The following IDO2 variants were observed in gnomAD, a reference collection of about 807,000 sequenced individuals.
IDO2 encodes indoleamine 2,3-dioxygenase-like 1 protein.
IDO2 carries 46 observed loss-of-function variants against 45.1 expected under a neutral mutation model. That is an observed-to-expected ratio of 1.02 (90% CI 0.80 to 1.30). The LOEUF (loss-of-function observed/expected upper bound fraction) is 1.30. Ranked by LOEUF, IDO2 falls within the 50% of genes most tolerant of loss-of-function variation. The pLI, the probability that IDO2 is intolerant of heterozygous loss-of-function variation, is 0.00. For missense variants in IDO2, 544 were observed against 491.8 expected, an observed-to-expected ratio of 1.11 and a Z score of -1.00; for synonymous variants, 218 against 184.9, an observed-to-expected ratio of 1.18 and a Z score of -1.45.
intron 1 of IDO2, among the ~76,000 whole-genome samples, chr8:39,943,564 C>T (rs1159598514): frequency 2.0e-5 from 3 of 151,464 alleles, no homozygotes; most frequent in African/African-American, 7.3e-5. Context: ...AGTGAAACCC[C>T]GTCTCTACTA....
rs372579729 is a variant in IDO2, at chr8:39,984,774, A to ACATCAATG, written c.435-731_435-724dup. Among the ~76,000 whole-genome samples the ACATCAATG allele has an allele frequency of 6.1e-3, 929 of 152,306 alleles. 9 individuals carry two copies. The highest frequency in any genetic ancestry group is 0.02 in the African/African-American group (839 of 41,562). On this transcript the variant is annotated intron_variant, in intron 5 of 10. Coordinates refer to ENST00000502986, the Ensembl canonical transcript of IDO2. ...TGTCCTTTAGAATTTCAGAGAAATG[A>ACATCAATG]CATCAATGCAGGCTTTACAAGTCAG... is the stretch of plus-strand genomic sequence containing the variant.
chr8:39,989,628 T>A, intron 7 of IDO2, 93 bp from the exon 8 acceptor site: 4 of 860,798 alleles, frequency 4.6e-6, no homozygotes, highest in Non-Finnish European at 7.2e-6. Flanking sequence ...AACTGTCCGG[T>A]CCTCCCCTGG....
chr8:39,987,971 G>A lies in IDO2; in HGVS notation c.549+1G>A. 2 of 1,576,538 alleles carry A rather than the reference G, an allele frequency of 1.3e-6. No individual in the cohort carries two copies. Among genetic ancestry groups the A allele is most frequent in the African/African-American group, 2.7e-5 (2 of 74,344 alleles). On this transcript the variant is annotated splice_donor_variant, in intron 7 of 10. Coordinates refer to ENST00000502986, the Ensembl canonical transcript of IDO2. LOFTEE classifies it high-confidence loss of function. ...GAAAGAAGCAGTGCCTGGGATAAAG[G>A]TATCTTCTCACTTGATAGCACCTTT...
At chr8:40,015,397 T>C in exon 11 of IDO2, 2 of 1,613,960 alleles carry the variant, frequency 1.2e-6, no homozygotes, top group South Asian at 2.2e-5. Context: ...GTGCAGGCCC[T>C]GGCAGAGCTG....
intron 1 of IDO2, among the ~76,000 whole-genome samples, chr8:39,936,221 G>C (rs1807547477): frequency 6.6e-6 from 1 of 152,126 alleles, no homozygotes; most frequent in South Asian, 2.1e-4. Context: ...ACAAGGTACT[G>C]TAGATGCATT....
intron 2 of IDO2, among the ~76,000 whole-genome samples, chr8:39,952,743 CTG>C (rs1807830611): frequency 6.6e-6 from 1 of 151,266 alleles, no homozygotes; most frequent in Admixed American, 6.6e-5. Flanking sequence ...GTGAAGAGAA[CTG>C]AGAGAGCCCG....
At chr8:39,991,725 C>A (rs192918326) in intron 8 of IDO2, among the ~76,000 whole-genome samples, 1 of 152,234 alleles carries the variant, frequency 6.6e-6, no homozygotes, top group African/African-American at 2.4e-5. Context: ...CATGCACCAC[C>A]ATGCCCAGCT....
At chr8:39,977,365 T>C (rs1381066902) in intron 3 of IDO2, among the ~76,000 whole-genome samples, 2 of 152,256 alleles carry the variant, frequency 1.3e-5, no homozygotes, top group Admixed American at 6.5e-5. Flanking sequence ...ACTGCTGTTA[T>C]AATGCTCACC....
intron 1 of IDO2, among the ~76,000 whole-genome samples, chr8:39,943,812 T>G (rs1004635481): frequency 6.6e-6 from 1 of 150,682 alleles, no homozygotes; most frequent in Non-Finnish European, 1.5e-5. Context: ...TGCTTTCGTC[T>G]AAGAACTGGA....
intron 3 of IDO2, among the ~76,000 whole-genome samples, chr8:39,970,901 G>A (rs531533329): frequency 6.6e-6 from 1 of 151,554 alleles, no homozygotes; most frequent in South Asian, 2.1e-4. Context: ...TGAGTAGCTG[G>A]GACTACAGGC....
intron 2 of IDO2, among the ~76,000 whole-genome samples, chr8:39,960,239 C>A (rs940170124): frequency 6.6e-6 from 1 of 152,156 alleles, no homozygotes; most frequent in Non-Finnish European, 1.5e-5. Context: ...TTCACACCCA[C>A]CCCTATCTCA....
intron 3 of IDO2, among the ~76,000 whole-genome samples, chr8:39,975,444 T>C (rs766669974): frequency 6.6e-6 from 1 of 152,052 alleles, no homozygotes; most frequent in Non-Finnish European, 1.5e-5. Context: ...TGTAAATTGA[T>C]TGGAAAAACA....
At chr8:39,945,790 G>T (rs1002094068) in intron 1 of IDO2, among the ~76,000 whole-genome samples, 3 of 152,144 alleles carry the variant, frequency 2.0e-5, no homozygotes, top group African/African-American at 4.8e-5. Flanking sequence ...GCAAAAGCTG[G>T]TAGTGAAACC....
intron 8 of IDO2, among the ~76,000 whole-genome samples, chr8:40,000,954 G>C (rs1802125522): frequency 6.6e-6 from 1 of 152,054 alleles, no homozygotes; most frequent in African/African-American, 2.4e-5. Context: ...CTTCATCATG[G>C]TTTTACTTTG....
intron 5 of IDO2, chr8:39,985,258 A>C: frequency 1.9e-6 from 1 of 534,164 alleles, no homozygotes; most frequent in Non-Finnish European, 3.3e-6. Context: ...CCACAGGCCA[A>C]ATATTCTGGG....
chr8:40,003,715 T>G (rs1015440991), intron 8 of IDO2, among the ~76,000 whole-genome samples: 1 of 152,178 alleles, frequency 6.6e-6, no homozygotes, highest in African/African-American at 2.4e-5. Flanking sequence ...AATTTACAAC[T>G]TTTATTTCTT....
chr8:40,006,375 G>T (rs982173687), intron 9 of IDO2, among the ~76,000 whole-genome samples: 1 of 152,136 alleles, frequency 6.6e-6, no homozygotes, highest in Non-Finnish European at 1.5e-5. Context: ...ACATTTAAGG[G>T]CAGCTAGGCT....
At chr8:39,974,985 T>C (rs1343813836) in intron 3 of IDO2, among the ~76,000 whole-genome samples, 1 of 151,888 alleles carries the variant, frequency 6.6e-6, no homozygotes, top group Non-Finnish European at 1.5e-5. Context: ...GGCATGAGCC[T>C]GTAATCTCAG....
intron 8 of IDO2, among the ~76,000 whole-genome samples, chr8:39,993,208 G>A (rs1420354189): frequency 6.6e-6 from 1 of 151,936 alleles, no homozygotes; most frequent in Non-Finnish European, 1.5e-5. Flanking sequence ...TTCAAGTGTT[G>A]AGATTATTAA....
Sources: allele counts gnomAD v4.1 joint callset (sites outside exome capture counted in the v4.1 genomes callset), GRCh38; gene constraint gnomAD v4.1.1; transcripts MANE v1.5; gene names NCBI Gene and HGNC (gene_info 2026-07-23, HGNC 2026-07-21).